The following PRTG variants were observed in gnomAD, a reference collection of about 807,000 sequenced individuals.
PRTG encodes the protein immunoglobulin superfamily, DCC subclass, member 5.
PRTG carries 67 observed loss-of-function variants against 122.5 expected under a neutral mutation model. That is an observed-to-expected ratio of 0.55 (90% CI 0.45 to 0.67). The LOEUF is 0.67. Ranked by LOEUF, PRTG falls within the 30% of genes least tolerant of loss-of-function variation. The pLI is 0.00. For synonymous variants in PRTG, 554 were observed against 501.1 expected, an observed-to-expected ratio of 1.11 and a Z score of -1.41; for missense variants, 1,435 against 1,415.4, an observed-to-expected ratio of 1.01 and a Z score of -0.22.
At position 55,627,030 on chromosome 15, in the gene PRTG, A is replaced by C; in HGVS notation, c.2905T>G (p.Leu969Val). 6.2e-7 allele frequency: 1 copy of C among 1,609,268 alleles called. No individual in the cohort carries two copies. The highest frequency in any genetic ancestry group is 1.3e-5 in the African/African-American group (1 of 74,762). Reference protein sequence around the residue: ...LTCILICVLILIYRSKARKSS... With the variant: ...LTCILICVLIVIYRSKARKSS... ...CACCTGGCTTTACTTCGGTATATCA[A>C]GATGAGAACACAGATGAGGATGCAG... Residue 969 changes from leucine (L) to valine (V), a missense_variant, in exon 17 of 20, where the codon TTG (leucine) becomes GTG (valine). Coordinates refer to ENST00000389286, the MANE Select transcript of PRTG (RefSeq NM_173814.6).
chr15:55,687,012 T>C (rs77874650), intron 2 of PRTG, among the ~76,000 whole-genome samples: 1 of 152,358 alleles, frequency 6.6e-6, no homozygotes, highest in African/African-American at 2.4e-5. Context: ...CCTCCGCTTC[T>C]ACATTATAAG....
chr15:55,620,322 C>A, intron 19 of PRTG, 56 bp from the exon 20 acceptor site: 1 of 1,585,748 alleles, frequency 6.3e-7, no homozygotes, highest in South Asian at 1.2e-5. Context: ...AATCCACGAG[C>A]AAAAGCTCAT....
intron 11 of PRTG, among the ~76,000 whole-genome samples, chr15:55,647,315 G>A (rs560698262): frequency 5.8e-4 from 88 of 152,256 alleles, no homozygotes; most frequent in Middle Eastern, 3.4e-3. Context: ...CAGAAGTCTG[G>A]CTGGCTAAGA....
Position 55,701,534 on chromosome 15 carries a change from A to AAAAAC in PRTG, c.398-17608_398-17604dup, listed in dbSNP as rs375217288. ...GGATGACAGAGTGAGACTCCATCTCAAAAACAAAACAAAACAAAACAAAAC... is the reference window on the plus strand; with the variant it reads ...GGATGACAGAGTGAGACTCCATCTCAAAAACAAAACAAAACAAAACAAAACAAAAC... On this transcript the variant is annotated intron_variant, in intron 2 of 19. Coordinates refer to ENST00000389286, the MANE Select transcript of PRTG (RefSeq NM_173814.6). 3.9e-3 allele frequency among the ~76,000 whole-genome samples: 600 copies of AAAAAC among 152,268 alleles called. 4 individuals carry two copies. The highest frequency in any genetic ancestry group is 0.012 in the African/African-American group (517 of 41,554).
intron 2 of PRTG, among the ~76,000 whole-genome samples, chr15:55,706,977 C>T (rs1231113876): frequency 6.6e-6 from 1 of 152,178 alleles, no homozygotes; most frequent in Non-Finnish European, 1.5e-5. Flanking sequence ...TACCAAATGC[C>T]AATCAGCATT....
chr15:55,633,061 T>C (rs2059236603), intron 15 of PRTG, among the ~76,000 whole-genome samples: 1 of 152,194 alleles, frequency 6.6e-6, no homozygotes, highest in African/African-American at 2.4e-5. Flanking sequence ...CTCCAACTTA[T>C]TTAACCATGA....
At chr15:55,713,376 T>G (rs939957710) in intron 2 of PRTG, among the ~76,000 whole-genome samples, 5 of 152,348 alleles carry the variant, frequency 3.3e-5, no homozygotes, top group African/African-American at 1.2e-4. Context: ...GAGAGACATG[T>G]AAGTTGTTTC....
intron 2 of PRTG, among the ~76,000 whole-genome samples, chr15:55,737,254 G>A (rs553514533): frequency 4.6e-5 from 7 of 152,178 alleles, no homozygotes; most frequent in Non-Finnish European, 1.0e-4. Flanking sequence ...CCAATTACAT[G>A]AAAATGTAAG....
chr15:55,673,845 A>C (rs1333532928), intron 9 of PRTG, among the ~76,000 whole-genome samples, 169 bp from the exon 10 acceptor site: 1 of 152,214 alleles, frequency 6.6e-6, no homozygotes, highest in African/African-American at 2.4e-5. Flanking sequence ...AAAGAAGAAA[A>C]AATAATGAGG....
At chr15:55,685,846 C>T (rs2059567485) in intron 2 of PRTG, among the ~76,000 whole-genome samples, 1 of 152,086 alleles carries the variant, frequency 6.6e-6, no homozygotes, top group Non-Finnish European at 1.5e-5. Flanking sequence ...CTCTAAAAAT[C>T]GATATCATGA....
At chr15:55,721,465 C>T (rs1182669519) in intron 2 of PRTG, among the ~76,000 whole-genome samples, 3 of 152,170 alleles carry the variant, frequency 2.0e-5, no homozygotes, top group Non-Finnish European at 4.4e-5. Flanking sequence ...GTTGGGGTGC[C>T]ATTTCTTTGA....
chr15:55,631,729 C>G (rs2059228625), intron 15 of PRTG, among the ~76,000 whole-genome samples: 1 of 152,162 alleles, frequency 6.6e-6, no homozygotes, highest in Admixed American at 6.5e-5. Context: ...CGTCATGTAA[C>G]CAAGCGAGCA....
chr15:55,661,865 T>C (rs558459741), intron 11 of PRTG, among the ~76,000 whole-genome samples: 122 of 146,748 alleles, frequency 8.3e-4, no homozygotes, highest in African/African-American at 2.6e-3. Flanking sequence ...AGTTTTATTC[T>C]TGGAAGAAAA....
At chr15:55,718,239 T>C (rs1454480419) in intron 2 of PRTG, among the ~76,000 whole-genome samples, 8 of 152,290 alleles carry the variant, frequency 5.3e-5, no homozygotes, top group African/African-American at 1.9e-4. Context: ...CTTTCAATTT[T>C]TCCATCCTAC....
In PRTG at chr15:55,612,434, G is replaced by A. The variant is rs570303219; in HGVS notation, c.*7578C>T. The A allele has an allele frequency of 6.6e-6, 1 of 151,568 alleles. No homozygotes were observed. The highest frequency in any genetic ancestry group is 1.5e-5 in the Non-Finnish European group (1 of 67,846). The allele number at this position is 151,568 out of a possible 1,614,324, so 9.4% of individuals were successfully genotyped here. The stretch of plus-strand genomic sequence containing the variant: ...AATAGTATATGGATAAGAAAAAAGG[G>A]AAAATATTTCCTCTAAAAAAAGAAG... On this transcript the variant is annotated 3_prime_UTR_variant, in exon 20 of 20. Coordinates refer to ENST00000389286, the MANE Select transcript of PRTG (RefSeq NM_173814.6).
intron 18 of PRTG, among the ~76,000 whole-genome samples, chr15:55,624,113 T>C (rs1478164788): frequency 6.6e-6 from 1 of 152,132 alleles, no homozygotes; most frequent in Non-Finnish European, 1.5e-5. Context: ...ATAAATGAGA[T>C]TATATTATAT....
intron 15 of PRTG, among the ~76,000 whole-genome samples, chr15:55,629,499 A>AT (rs1344642314): frequency 7.9e-5 from 12 of 151,472 alleles, no homozygotes; most frequent in Non-Finnish European, 1.2e-4. Flanking sequence ...ATTATGGAAC[A>AT]TTTGAAACAT....
At chr15:55,641,345 C>T in intron 11 of PRTG, 137 bp from the exon 12 acceptor site, 2 of 610,294 alleles carry the variant, frequency 3.3e-6, no homozygotes, top group Non-Finnish European at 5.8e-6. Context: ...AATTACTGCT[C>T]ATTGACTCAG....
Position 55,717,446 on chromosome 15 carries a change from C to T in PRTG, c.397+22936G>A, listed in dbSNP as rs181121016. Among the ~76,000 whole-genome samples, 5 of 152,268 alleles carry T rather than the reference C, an allele frequency of 3.3e-5. No homozygotes were observed. In the East Asian group the frequency reaches 9.7e-4, roughly 29 times the overall value. On this transcript the variant is annotated intron_variant, in intron 2 of 19. Transcript: ENST00000389286. ...GTAATTCTACGCAAGAGAAAAAAAG[C>T]AAAAGCCACAGTGAAGGTTTCTGGG...
Sources: allele counts gnomAD v4.1 joint callset (sites outside exome capture counted in the v4.1 genomes callset), GRCh38; gene constraint gnomAD v4.1.1; transcripts MANE v1.5; gene names NCBI Gene and HGNC (gene_info 2026-07-23, HGNC 2026-07-21).